The following KCNH1 variants were observed in gnomAD, a reference collection of about 807,000 sequenced individuals.
KCNH1 encodes the protein potassium voltage-gated channel subfamily H member 1, also known as voltage-gated delayed rectifier potassium channel KCNH1.
KCNH1 carries 27 observed loss-of-function variants against 69.2 expected under a neutral mutation model. The observed-to-expected ratio is 0.39, with a 90% CI of 0.29 to 0.54. KCNH1 has a LOEUF of 0.54. Among genes scored for constraint, KCNH1 ranks in the 20% least tolerant of loss-of-function variants. The pLI, the probability that KCNH1 is intolerant of heterozygous loss-of-function variation, is 0.68. For missense variants in KCNH1, 798 were observed against 1,261.6 expected, an observed-to-expected ratio of 0.63 and a Z score of 5.57; for synonymous variants, 456 against 487.7, an observed-to-expected ratio of 0.93 and a Z score of 0.86.
chr1:210,976,773 T>G (rs1688620781), intron 6 of KCNH1, among the ~76,000 whole-genome samples: 1 of 149,068 alleles, frequency 6.7e-6, no homozygotes, highest in Non-Finnish European at 1.5e-5. Flanking sequence ...CTCACACCAG[T>G]TAGAATGGGG....
chr1:211,077,221 C>A (rs145081730), intron 5 of KCNH1, among the ~76,000 whole-genome samples: 151 of 152,154 alleles, frequency 9.9e-4, no homozygotes, highest in Non-Finnish European at 1.6e-3. Context: ...CCCAACCTAG[C>A]GAGACAGGCC....
chr1:211,111,624 C>T lies in KCNH1; in HGVS notation c.80-4247G>A, dbSNP rs1027844844. On this transcript the variant is annotated intron_variant, in intron 1 of 10. Transcript: ENST00000271751. The stretch of plus-strand genomic sequence containing the variant: ...TCTGGGAAGTTGGAGCGCCTCTGCC[C>T]GGCCCCCGCCCCGTCTGGGAAGTGA... Among the ~76,000 whole-genome samples the T allele has an allele frequency of 3.0e-4, 45 of 148,284 alleles. 1 individual carries two copies. The highest frequency in any genetic ancestry group is 1.1e-3 in the African/African-American group (44 of 40,140).
intron 6 of KCNH1, among the ~76,000 whole-genome samples, chr1:210,971,795 T>C (rs1688516631): frequency 6.6e-6 from 1 of 152,170 alleles, no homozygotes. Flanking sequence ...GTATACATTG[T>C]ATATATTATA....
At chr1:210,770,322 T>C (rs1683730086) in intron 10 of KCNH1, among the ~76,000 whole-genome samples, 1 of 152,180 alleles carries the variant, frequency 6.6e-6, no homozygotes, top group African/African-American at 2.4e-5. Context: ...TGTATACCTA[T>C]GTAACAAACC....
chr1:210,921,576 C>T (rs761750724), intron 6 of KCNH1, among the ~76,000 whole-genome samples: 1 of 152,190 alleles, frequency 6.6e-6, no homozygotes, highest in Non-Finnish European at 1.5e-5. Context: ...TTTCTGGATA[C>T]ACAGTTAAAC....
At chr1:210,793,829 C>G (rs1273759381) in intron 9 of KCNH1, among the ~76,000 whole-genome samples, 6 of 152,198 alleles carry the variant, frequency 3.9e-5, no homozygotes, top group Non-Finnish European at 7.3e-5. Context: ...TCAATAATTG[C>G]TCATCCAATG....
chr1:210,783,187 C>T (rs1038980503), intron 9 of KCNH1, among the ~76,000 whole-genome samples: 3 of 152,216 alleles, frequency 2.0e-5, no homozygotes. Flanking sequence ...AAATGATTGC[C>T]TGTGACTGCC....
chr1:210,732,014 CA>C (rs1682758141), intron 10 of KCNH1, among the ~76,000 whole-genome samples: 1 of 152,028 alleles, frequency 6.6e-6, no homozygotes. Context: ...GCCACAGAGG[CA>C]TGCAGGCCCC....
intron 6 of KCNH1, among the ~76,000 whole-genome samples, chr1:210,969,730 A>G (rs1243685111): frequency 6.6e-6 from 1 of 151,994 alleles, no homozygotes; most frequent in Non-Finnish European, 1.5e-5. Flanking sequence ...TTGCCTGTGT[A>G]TTTTTTTAAA....
intron 6 of KCNH1, among the ~76,000 whole-genome samples, chr1:210,951,437 A>G (rs1209873177): frequency 6.6e-6 from 1 of 152,184 alleles, no homozygotes; most frequent in Admixed American, 6.5e-5. Flanking sequence ...TGTGCATGTA[A>G]TTTATGTAAC....
intron 1 of KCNH1, among the ~76,000 whole-genome samples, chr1:211,132,330 T>TA (rs1191926179): frequency 6.6e-6 from 1 of 152,222 alleles, no homozygotes; most frequent in African/African-American, 2.4e-5. Flanking sequence ...CCAGCTTTTT[T>TA]ATGGCAAAAC....
chr1:210,714,934 C>G (rs1304506787), intron 10 of KCNH1, among the ~76,000 whole-genome samples: 1 of 152,134 alleles, frequency 6.6e-6, no homozygotes, highest in Non-Finnish European at 1.5e-5. Flanking sequence ...TAGAGATGTA[C>G]ACTATCTCCT....
At chr1:210,999,554 G>C (rs1432721236) in intron 6 of KCNH1, among the ~76,000 whole-genome samples, 1 of 152,188 alleles carries the variant, frequency 6.6e-6, no homozygotes, top group Non-Finnish European at 1.5e-5. Flanking sequence ...TCCAGGACCA[G>C]ATGGGTTCAC....
At chr1:210,894,357 C>T (rs749186715) in intron 7 of KCNH1, among the ~76,000 whole-genome samples, 3 of 152,176 alleles carry the variant, frequency 2.0e-5, no homozygotes, top group Non-Finnish European at 4.4e-5. Flanking sequence ...AATCCAATGT[C>T]CCGTCAATAC....
At chr1:210,951,430 G>T (rs1688060049) in intron 6 of KCNH1, among the ~76,000 whole-genome samples, 1 of 152,200 alleles carries the variant, frequency 6.6e-6, no homozygotes, top group South Asian at 2.1e-4. Flanking sequence ...AACCTGCTGT[G>T]CATGTAATTT....
At chr1:210,783,484 A>G (rs1684031204) in intron 9 of KCNH1, among the ~76,000 whole-genome samples, 1 of 152,176 alleles carries the variant, frequency 6.6e-6, no homozygotes, top group Non-Finnish European at 1.5e-5. Flanking sequence ...ATAAAGACTA[A>G]ATTGCAGGTA....
At chr1:210,890,110 A>G (rs1457855637) in intron 7 of KCNH1, among the ~76,000 whole-genome samples, 1 of 152,322 alleles carries the variant, frequency 6.6e-6, no homozygotes, top group East Asian at 1.9e-4. Flanking sequence ...AAAAGAACAA[A>G]GCTGGAGGCA....
chr1:211,041,068 T>C (rs1202975100), intron 5 of KCNH1, among the ~76,000 whole-genome samples: 1 of 152,220 alleles, frequency 6.6e-6, no homozygotes, highest in Non-Finnish European at 1.5e-5. Context: ...TCAACTTTCT[T>C]GCTACAGCTC....
chr1:210,707,938 CACTCTT>C (rs888274244), intron 10 of KCNH1, among the ~76,000 whole-genome samples: 49 of 152,258 alleles, frequency 3.2e-4, no homozygotes, highest in African/African-American at 1.1e-3. Flanking sequence ...GTCTACCACT[CACTCTT>C]AAGTGTGCTT....
Sources: allele counts gnomAD v4.1 joint callset (sites outside exome capture counted in the v4.1 genomes callset), GRCh38; gene constraint gnomAD v4.1.1; transcripts MANE v1.5; gene names NCBI Gene and HGNC (gene_info 2026-07-23, HGNC 2026-07-21).